The following LRCH1 variants were observed in gnomAD, a reference collection of about 807,000 sequenced individuals.
LRCH1 encodes leucine-rich repeat and calponin homology domain-containing protein 1.
Under a neutral mutation model 94.9 loss-of-function variants are expected in LRCH1, and 23 were observed. The observed-to-expected ratio is 0.24, with a 90% confidence interval of 0.17 to 0.34. The LOEUF (loss-of-function observed/expected upper bound fraction) is 0.34. Among genes scored for constraint, LRCH1 ranks in the 10% least tolerant of loss-of-function variants. The pLI, the probability that LRCH1 is intolerant of heterozygous loss-of-function variation, is 1.00. For missense variants in LRCH1, 790 were observed against 945.9 expected, an observed-to-expected ratio of 0.84 and a Z score of 2.16; for synonymous variants, 364 against 354.9, an observed-to-expected ratio of 1.03 and a Z score of -0.29.
intron 2 of LRCH1, among the ~76,000 whole-genome samples, chr13:46,653,759 C>A (rs1009446634): frequency 6.6e-6 from 1 of 152,028 alleles, no homozygotes; most frequent in East Asian, 1.9e-4. Context: ...GAGGTTGAAG[C>A]TGCGGTGAGC....
chr13:46,743,674 G>C lies in LRCH1; in HGVS notation c.*1826G>C, dbSNP rs561596256. 3.9e-5 allele frequency: 38 copies of C among 985,132 alleles called. No homozygotes were observed. Among genetic ancestry groups the C allele is most frequent in the Non-Finnish European group, 4.3e-5 (36 of 829,924 alleles). 61.0% of individuals were successfully genotyped at this position (985,132 alleles called of 1,614,324 possible). On this transcript the variant is annotated 3_prime_UTR_variant, in exon 20 of 20. Coordinates refer to ENST00000389797, the MANE Select transcript of LRCH1 (RefSeq NM_001164211.2). ...CCCATCCAGCTCTGCAGTGCATTGA[G>C]GCTTCTCTTTAATGGTCACCACTGT...
intron 1 of LRCH1, among the ~76,000 whole-genome samples, chr13:46,597,116 CT>C (rs1322503901): frequency 2.6e-5 from 4 of 152,148 alleles, no homozygotes; most frequent in Non-Finnish European, 5.9e-5. Context: ...CGTGAGGACT[CT>C]TTGTGGTCAT....
intron 1 of LRCH1, among the ~76,000 whole-genome samples, chr13:46,574,613 C>T (rs2050280923): frequency 2.0e-5 from 3 of 152,102 alleles, no homozygotes; most frequent in African/African-American, 7.2e-5. Context: ...TTTGTAGATC[C>T]CACTTCCCCA....
chr13:46,744,814 G>T lies in LRCH1; in HGVS notation c.*2966G>T. The T allele has an allele frequency of 1.0e-6, 1 of 983,492 alleles. No individual in the cohort carries two copies. Among genetic ancestry groups the T allele is most frequent in the Non-Finnish European group, 1.2e-6 (1 of 828,264 alleles). The allele number at this position is 983,492 out of a possible 1,614,324, so 60.9% of individuals were successfully genotyped here. ...GATTAGGTGAAAAATACTTTAATAT[G>T]ATTTTATTTCAGGAGACTTGATTTT... is the stretch of plus-strand genomic sequence containing the variant. On this transcript the variant is annotated 3_prime_UTR_variant, in exon 20 of 20. Transcript: ENST00000389797.
At chr13:46,747,724 A>G (rs1230587952), downstream of LRCH1, among the ~76,000 whole-genome samples, 1 of 151,936 alleles carries the variant, frequency 6.6e-6, no homozygotes, top group Non-Finnish European at 1.5e-5. Context: ...CTTATGTGTC[A>G]TATAAAATGC....
intron 1 of LRCH1, among the ~76,000 whole-genome samples, chr13:46,586,713 C>T (rs546563588): frequency 4.7e-4 from 72 of 152,318 alleles, no homozygotes; most frequent in African/African-American, 1.6e-3. Context: ...GCCACCATGC[C>T]CAGCTTCAGT....
chr13:46,688,987 A>G lies in LRCH1; in HGVS notation c.951-146A>G, dbSNP rs112881683. On this transcript the variant is annotated intron_variant, in intron 6 of 19. Coordinates refer to ENST00000389797, the MANE Select transcript of LRCH1 (RefSeq NM_001164211.2). ...TAGGTCCATGTCTTAATATTCTTTAATACTAGACTGATTTGTTGCCTTATG... is the reference window on the plus strand; with the variant it reads ...TAGGTCCATGTCTTAATATTCTTTAGTACTAGACTGATTTGTTGCCTTATG... 1,909 of 627,000 alleles carry G rather than the reference A, an allele frequency of 3.0e-3. 22 individuals carry two copies. In the African/African-American group the frequency reaches 0.031, roughly 10 times the overall value. The allele number at this position is 627,000 out of a possible 1,614,324, so 38.8% of individuals were successfully genotyped here. A position where few individuals can be genotyped will look rare whatever the true frequency, so the allele number is the denominator to read the frequency against.
At chr13:46,677,687 C>T (rs989126934) in intron 3 of LRCH1, among the ~76,000 whole-genome samples, 19 of 152,044 alleles carry the variant, frequency 1.2e-4, no homozygotes, top group Admixed American at 2.0e-4. Flanking sequence ...CTTTTGGTTA[C>T]CTAAAAACAT....
At position 46,553,369 on chromosome 13, in the gene LRCH1, G is replaced by A; in HGVS notation, c.-28G>A. The A allele has an allele frequency of 6.6e-7, 1 of 1,506,286 alleles. No homozygotes were observed. 93.3% of individuals were successfully genotyped at this position (1,506,286 alleles called of 1,614,324 possible). ...GCTGTGACCCCCCCGCAGGAGCGGC[G>A]GGGCGGGGTGGGGGGGCCCGGGAGA... On this transcript the variant is annotated 5_prime_UTR_variant, in exon 1 of 20. Transcript: ENST00000389797.
intron 1 of LRCH1, among the ~76,000 whole-genome samples, chr13:46,582,909 C>T (rs1476533711): frequency 6.6e-6 from 1 of 151,830 alleles, no homozygotes; most frequent in Admixed American, 6.6e-5. Context: ...TAGCACCTTG[C>T]ACCACAAAGA....
chr13:46,605,033 G>T (rs1428804103), intron 1 of LRCH1, among the ~76,000 whole-genome samples: 1 of 152,212 alleles, frequency 6.6e-6, no homozygotes, highest in East Asian at 1.9e-4. Flanking sequence ...AGTTCTTAAA[G>T]AAATTGACCC....
intron 5 of LRCH1, among the ~76,000 whole-genome samples, 154 bp from the exon 6 acceptor site, chr13:46,687,698 T>C (rs1259244626): frequency 6.6e-6 from 1 of 152,220 alleles, no homozygotes; most frequent in African/African-American, 2.4e-5. Context: ...CCCAAAATTC[T>C]TACATGTTTT....
intron 13 of LRCH1, chr13:46,705,761 T>A (rs1475502637): frequency 3.2e-6 from 1 of 317,400 alleles, no homozygotes; most frequent in Admixed American, 4.6e-5. Flanking sequence ...GAGAATATCA[T>A]GAAGAGAAAC....
At chr13:46,748,514 A>G (rs1017731286), downstream of LRCH1, among the ~76,000 whole-genome samples, 3 of 152,190 alleles carry the variant, frequency 2.0e-5, no homozygotes, top group African/African-American at 4.8e-5. Flanking sequence ...GAAATGCCAG[A>G]TTCAAGTGAT....
intron 1 of LRCH1, among the ~76,000 whole-genome samples, chr13:46,611,806 T>G (rs1322215165): frequency 6.6e-6 from 1 of 152,236 alleles, no homozygotes; most frequent in Non-Finnish European, 1.5e-5. Flanking sequence ...GTTATCTTCT[T>G]AAAATTGTGA....
intron 4 of LRCH1, among the ~76,000 whole-genome samples, chr13:46,685,603 G>T (rs1380028057): frequency 2.6e-5 from 4 of 151,506 alleles, no homozygotes; most frequent in Admixed American, 2.0e-4. Context: ...TGGCTTGCGT[G>T]ATTCTTTTGC....
Position 46,557,993 on chromosome 13 carries a change from C to T in LRCH1, c.307+4290C>T, listed in dbSNP as rs140425569. The stretch of plus-strand genomic sequence containing the variant: ...GAGGCTGCAGTGAAAGCCATGATCG[C>T]GCCACTGCACTCCAGCCTACGTGAC... On this transcript the variant is annotated intron_variant, in intron 1 of 19. Coordinates refer to ENST00000389797, the MANE Select transcript of LRCH1 (RefSeq NM_001164211.2). Among the ~76,000 whole-genome samples the T allele has an allele frequency of 3.3e-3, 505 of 152,256 alleles. 2 individuals carry two copies. Among genetic ancestry groups the T allele is most frequent in the Non-Finnish European group, 5.5e-3 (376 of 68,026 alleles).
chr13:46,670,345 C>CA (rs951269581), intron 3 of LRCH1, among the ~76,000 whole-genome samples: 3 of 152,150 alleles, frequency 2.0e-5, no homozygotes, highest in Non-Finnish European at 4.4e-5. Context: ...GTGACTAGGA[C>CA]AAGACACTGG....
At chr13:46,571,971 CAG>C (rs1206338887) in intron 1 of LRCH1, among the ~76,000 whole-genome samples, 1 of 151,968 alleles carries the variant, frequency 6.6e-6, no homozygotes, top group Non-Finnish European at 1.5e-5. Flanking sequence ...GCGATGCCCA[CAG>C]AGGGGGAGTT....
Sources: gnomAD v4.1 joint callset for allele counts (sites outside exome capture counted in the v4.1 genomes callset) on GRCh38, gnomAD v4.1.1 for gene constraint, MANE v1.5 for transcripts, NCBI Gene and HGNC (gene_info 2026-07-23, HGNC 2026-07-21) for gene names.